Variants in VPS13C observed in about 807,000 individuals in gnomAD.
VPS13C encodes intermembrane lipid transfer protein VPS13C.
A neutral mutation model predicts 456.8 loss-of-function variants in VPS13C; 358 were observed. The observed-to-expected ratio is 0.78, with a 90% CI of 0.72 to 0.86. The LOEUF (loss-of-function observed/expected upper bound fraction) is 0.86. Ranked by LOEUF, VPS13C falls within the 40% of genes least tolerant of loss-of-function variation. The probability of loss-of-function intolerance (pLI) is 0.00; values close to 1 mark genes in which losing one functional copy is unlikely to be tolerated. For missense variants in VPS13C, 4,818 were observed against 4,385.4 expected, an observed-to-expected ratio of 1.10 and a Z score of -2.79; for synonymous variants, 1,578 against 1,486.7, an observed-to-expected ratio of 1.06 and a Z score of -1.41.
Position 61,858,705 on chromosome 15 carries a change from G to T in VPS13C, c.10953-2296C>A, listed in dbSNP as rs1894063357. ...ACTATAAATCTGCGTAAGAGACCAAGAAGTCAGAGATTCAAAGCACCCTTG... is the reference window on the plus strand; with the variant it reads ...ACTATAAATCTGCGTAAGAGACCAATAAGTCAGAGATTCAAAGCACCCTTG... On this transcript the variant is annotated intron_variant, in intron 82 of 84. Transcript: ENST00000644861. This position sits in a 1 kb window ranked among gnomAD's most constrained non-coding sequence, Gnocchi z 4.4. 6.6e-6 allele frequency among the ~76,000 whole-genome samples: 1 copy of T among 152,184 alleles called. No individual in the cohort carries two copies. Among genetic ancestry groups the T allele is most frequent in the South Asian group, 2.1e-4 (1 of 4,830 alleles).
Position 62,037,279 on chromosome 15 carries a change from T to TA in VPS13C, c.188-2228_188-2227insT, listed in dbSNP as rs1567136637. Among the ~76,000 whole-genome samples the TA allele has an allele frequency of 3.0e-3, 144 of 48,552 alleles. 4 individuals are homozygous for TA. The highest frequency in any genetic ancestry group is 8.2e-3 in the African/African-American group (74 of 9,004). 31.9% of individuals were successfully genotyped at this position (48,552 alleles called of 152,430 possible). A position where few individuals can be genotyped will look rare whatever the true frequency, so the allele number is the denominator to read the frequency against. The stretch of plus-strand genomic sequence containing the variant: ...TATATATATTATATTATATAATATA[T>TA]TATATATATTATATTATATAATATA... On this transcript the variant is annotated intron_variant, in intron 3 of 84. Coordinates refer to ENST00000644861, the MANE Select transcript of VPS13C (RefSeq NM_020821.3).
intron 16 of VPS13C, 130 bp from the exon 17 acceptor site, chr15:61,991,932 C>A: frequency 1.0e-6 from 1 of 981,734 alleles, no homozygotes; most frequent in Non-Finnish European, 1.4e-6. Flanking sequence ...CAGTCAAGAT[C>A]TTAAATGATG....
chr15:61,870,323 CT>C (rs1386455822), intron 79 of VPS13C, among the ~76,000 whole-genome samples: 1 of 152,106 alleles, frequency 6.6e-6, no homozygotes, highest in African/African-American at 2.4e-5. Flanking sequence ...CCTACAGATA[CT>C]TTCTATCCCT....
At chr15:61,854,684 A>G (rs1893810931) in intron 84 of VPS13C, 126 bp from the exon 85 acceptor site, 2 of 1,076,776 alleles carry the variant, frequency 1.9e-6, no homozygotes, top group East Asian at 2.4e-5. Flanking sequence ...CCAAGGATAC[A>G]GTCCAGATGT....
At chr15:62,024,342 G>T (rs1444187773) in intron 6 of VPS13C, among the ~76,000 whole-genome samples, 1 of 151,976 alleles carries the variant, frequency 6.6e-6, no homozygotes, top group African/African-American at 2.4e-5. Context: ...AATGACTCAA[G>T]GATATAAAGA....
At chr15:61,951,194 A>G (rs2044779680) in intron 39 of VPS13C, among the ~76,000 whole-genome samples, 170 bp from the exon 40 acceptor site, 1 of 152,064 alleles carries the variant, frequency 6.6e-6, no homozygotes. Flanking sequence ...TGGCTTTGAA[A>G]AAAAAGGAAA....
At position 61,882,743 on chromosome 15, in the gene VPS13C, A is replaced by G. The variant is rs752404435; in HGVS notation, c.9484-7T>C. The G allele has an allele frequency of 3.8e-6, 6 of 1,585,606 alleles. No homozygotes were observed. The East Asian group carries it at 9.0e-5, about 24-fold the overall frequency. On this transcript the variant is annotated splice_polypyrimidine_tract_variant and splice_region_variant and intron_variant, in intron 68 of 84. Transcript: ENST00000644861. The stretch of plus-strand genomic sequence containing the variant: ...GATCTTTATCAAAATTGACCTAGAA[A>G]AAAAGCACATGTTTTTGTGATGAGC...
At position 61,929,525 on chromosome 15, in the gene VPS13C, T is replaced by C. The variant is rs746238046; in HGVS notation, c.6262A>G (p.Thr2088Ala). 5 of 1,614,120 alleles carry C rather than the reference T, an allele frequency of 3.1e-6. No individual in the cohort carries two copies. In the South Asian group the frequency reaches 5.5e-5, roughly 18 times the overall value. The change falls in exon 51 of 85, where the codon ACA (threonine) becomes GCA (alanine). Residue 2088 changes from threonine (T) to alanine (A), a missense_variant. This residue lies in a region of VPS13C where 4,552 missense variants were observed against 4,130.6 expected (regional missense o/e 1.10). Transcript: ENST00000644861. ...CCTTTCTCTATCTTGACCTTCCCTG[T>C]GGCAGTCTGTCTTGGTAAAATCTGT... ...ETQILPRQTA[T>A]GKVKIEKDDS...
At chr15:61,938,777 ACAGATATAGCAG>A (rs1373810820) in intron 47 of VPS13C, among the ~76,000 whole-genome samples, 4 of 152,144 alleles carry the variant, frequency 2.6e-5, no homozygotes, top group African/African-American at 7.2e-5. Flanking sequence ...GTTTCCCATT[ACAGATATAGCAG>A]AAGCCCCGTG....
At chr15:62,018,776 T>G (rs1270719518) in intron 9 of VPS13C, among the ~76,000 whole-genome samples, 3 of 152,208 alleles carry the variant, frequency 2.0e-5, no homozygotes, top group African/African-American at 7.2e-5. Context: ...TGCCAGGCTT[T>G]GGTATCAGGA....
intron 37 of VPS13C, among the ~76,000 whole-genome samples, chr15:61,957,425 G>A (rs1042692052): frequency 2.6e-5 from 4 of 151,978 alleles, no homozygotes; most frequent in Non-Finnish European, 5.9e-5. Flanking sequence ...ATAGTGCACC[G>A]AATATTTGTA....
intron 56 of VPS13C, 35 bp from the exon 57 acceptor site, chr15:61,920,366 G>A (rs2043614175): frequency 1.3e-6 from 2 of 1,528,928 alleles, no homozygotes; most frequent in African/African-American, 2.8e-5. Flanking sequence ...TAAAATTTTT[G>A]AAAAACATAC....
At chr15:62,052,779 T>C (rs1430993938) in intron 1 of VPS13C, among the ~76,000 whole-genome samples, 2 of 152,068 alleles carry the variant, frequency 1.3e-5, no homozygotes, top group South Asian at 4.2e-4. Flanking sequence ...CTCCTTTTAA[T>C]GAGTTCACAG....
chr15:62,010,945 T>C (rs2047017307), intron 12 of VPS13C, among the ~76,000 whole-genome samples: 1 of 152,122 alleles, frequency 6.6e-6, no homozygotes, highest in South Asian at 2.1e-4. Flanking sequence ...TATTATTCAT[T>C]AAAAATACTA....
intron 79 of VPS13C, among the ~76,000 whole-genome samples, chr15:61,870,960 CT>C (rs1434438190): frequency 6.6e-5 from 10 of 152,008 alleles, no homozygotes; most frequent in Non-Finnish European, 8.8e-5. Context: ...ATTGTGTTGT[CT>C]TTTTATTGTT....
intron 77 of VPS13C, 132 bp from the exon 78 acceptor site, chr15:61,873,541 C>T (rs951783214): frequency 1.2e-6 from 1 of 847,144 alleles, no homozygotes; most frequent in South Asian, 2.2e-5. Context: ...AGGAGACATA[C>T]AAATGGCCAA....
At chr15:61,886,529 C>T (rs1896284646) in intron 67 of VPS13C, among the ~76,000 whole-genome samples, 1 of 152,074 alleles carries the variant, frequency 6.6e-6, no homozygotes, top group Admixed American at 6.6e-5. Context: ...TGCACTAACT[C>T]AAACATGCTG....
At position 61,984,939 on chromosome 15, in the gene VPS13C, T is replaced by C; in HGVS notation, c.1639A>G (p.Lys547Glu). 6.2e-7 allele frequency: 1 copy of C among 1,612,044 alleles called. No individual in the cohort carries two copies. Among genetic ancestry groups the C allele is most frequent in the Non-Finnish European group, 8.5e-7 (1 of 1,179,290 alleles). ...VSTSVTIRENKNIPEILKIQI... is the reference protein window; with the variant it reads ...VSTSVTIRENENIPEILKIQI... ...ATTTTTAGTATTTCTGGAATATTCT[T>C]GTTTTCTCTTATCGTAACAGAGGTG... Residue 547 changes from lysine to glutamate, a missense_variant, in exon 19 of 85, where the codon AAG becomes GAG. Around this residue, in one of 3 missense-constraint regions of VPS13C, gnomAD observed 4,552 missense variants for 4,130.6 expected, o/e 1.10. Coordinates refer to ENST00000644861, the MANE Select transcript of VPS13C (RefSeq NM_020821.3).
intron 47 of VPS13C, among the ~76,000 whole-genome samples, chr15:61,938,925 T>C (rs946347676): frequency 6.6e-6 from 1 of 152,178 alleles, no homozygotes; most frequent in Admixed American, 6.5e-5. Flanking sequence ...ATAAACAATA[T>C]ATAATAGTAT....
Sources: gnomAD v4.1 joint callset for allele counts (sites outside exome capture counted in the v4.1 genomes callset) on GRCh38, gnomAD v4.1.1 for gene constraint, gnomAD v4.1.1 regional missense constraint, Gnocchi (gnomAD v3.1) non-coding constraint, MANE v1.5 for transcripts, NCBI Gene and HGNC (gene_info 2026-07-23, HGNC 2026-07-21) for gene names.